STPG2: variants seen among roughly 807,000 people sequenced by gnomAD.
The protein encoded by STPG2 is sperm tail PG-rich repeat containing 2.
Under a neutral mutation model 54.2 loss-of-function variants are expected in STPG2, and 56 were observed. That is an observed-to-expected ratio of 1.03 (90% CI 0.83 to 1.29). STPG2 has a LOEUF of 1.29. STPG2 is among the 50% of genes most tolerant of loss of function. The pLI is 0.00. For missense variants in STPG2, 596 were observed against 544.9 expected, an observed-to-expected ratio of 1.09 and a Z score of -0.93; for synonymous variants, 200 against 181.8, an observed-to-expected ratio of 1.10 and a Z score of -0.81.
At chr4:97,711,191 G>A (rs911340539) in intron 10 of STPG2, among the ~76,000 whole-genome samples, 1 of 152,012 alleles carries the variant, frequency 6.6e-6, no homozygotes, top group Non-Finnish European at 1.5e-5. Context: ...TTTTTTAAAG[G>A]AGAGAAATTG....
In STPG2 at chr4:98,078,727, T is replaced by C. The variant is rs548448746; in HGVS notation, c.612+27226A>G. On this transcript the variant is annotated intron_variant, in intron 5 of 10. Coordinates refer to ENST00000295268, the MANE Select transcript of STPG2 (RefSeq NM_174952.3). ...AAGTGCTTGCCACCACAGAAAGAAA[T>C]AGACAATCTTTCAAAAGATATAATT... is the stretch of plus-strand genomic sequence containing the variant. 6.6e-5 allele frequency among the ~76,000 whole-genome samples: 10 copies of C among 152,236 alleles called. 1 individual carries two copies. In the East Asian group the frequency reaches 7.7e-4, roughly 12 times the overall value.
chr4:98,109,125 G>T, intron 4 of STPG2, 68 bp downstream of exon 4: 1 of 967,794 alleles, frequency 1.0e-6, no homozygotes. Context: ...GCATAGCCTA[G>T]TCTGAATTAT....
chr4:97,928,649 T>C (rs1235508617), intron 8 of STPG2, among the ~76,000 whole-genome samples: 1 of 152,142 alleles, frequency 6.6e-6, no homozygotes, highest in Non-Finnish European at 1.5e-5. Flanking sequence ...TGTTTTTATT[T>C]TGTTTGGGTT....
At chr4:97,789,145 G>T (rs970762313) in intron 9 of STPG2, among the ~76,000 whole-genome samples, 1 of 151,700 alleles carries the variant, frequency 6.6e-6, no homozygotes, top group African/African-American at 2.4e-5. Flanking sequence ...ACTATTTCTT[G>T]CTTTCTTCAT....
chr4:97,984,499 G>A (rs1030824529), intron 5 of STPG2, among the ~76,000 whole-genome samples: 2 of 152,012 alleles, frequency 1.3e-5, no homozygotes, highest in Admixed American at 6.6e-5. Context: ...AGCCCCCATC[G>A]AAGACTGATA....
Position 97,905,269 on chromosome 4 carries a change from T to G in STPG2, c.1044+38628A>C, listed in dbSNP as rs573925626. 3.4e-4 allele frequency among the ~76,000 whole-genome samples: 51 copies of G among 152,154 alleles called. No homozygotes were observed. The South Asian group carries it at 0.01, about 30-fold the overall frequency. On this transcript the variant is annotated intron_variant, in intron 8 of 10. Coordinates refer to ENST00000295268, the MANE Select transcript of STPG2 (RefSeq NM_174952.3). ...TAACAGCGGATGTCTCGGCAGAAAC[T>G]CTACAAGCCAGAAGACAGTGGGGGC...
At chr4:97,828,375 T>C (rs1276904624) in intron 9 of STPG2, among the ~76,000 whole-genome samples, 1 of 152,168 alleles carries the variant, frequency 6.6e-6, no homozygotes, top group Non-Finnish European at 1.5e-5. Flanking sequence ...GCACTTTTTC[T>C]AAGACCTTCG....
Position 98,094,486 on chromosome 4 carries a change from A to G in STPG2, c.612+11467T>C, listed in dbSNP as rs866105426. Reference sequence around the variant, plus strand: ...GTTTTTAAAAAGCAGAGTAAAGGGGACTTTGTCTCGCACCAACTCGACCAG... The same window carrying G: ...GTTTTTAAAAAGCAGAGTAAAGGGGGCTTTGTCTCGCACCAACTCGACCAG... On this transcript the variant is annotated intron_variant, in intron 5 of 10. Coordinates refer to ENST00000295268, the MANE Select transcript of STPG2 (RefSeq NM_174952.3). 3.3e-5 allele frequency among the ~76,000 whole-genome samples: 5 copies of G among 152,194 alleles called. No homozygotes were observed. In the Middle Eastern group the frequency reaches 0.01, roughly 311 times the overall value.
intron 9 of STPG2, among the ~76,000 whole-genome samples, chr4:97,731,399 G>A (rs951377782): frequency 2.0e-5 from 3 of 152,142 alleles, no homozygotes; most frequent in African/African-American, 4.8e-5. Context: ...AAGAGTAAGG[G>A]CCAACAGACA....
chr4:97,864,968 A>G (rs1384016851), intron 8 of STPG2, among the ~76,000 whole-genome samples: 1 of 152,222 alleles, frequency 6.6e-6, no homozygotes, highest in Non-Finnish European at 1.5e-5. Context: ...CTTAAATATT[A>G]TACCTAAAAC....
chr4:97,905,003 G>A (rs963212319), intron 8 of STPG2, among the ~76,000 whole-genome samples: 6 of 152,040 alleles, frequency 3.9e-5, no homozygotes, highest in Non-Finnish European at 7.4e-5. Context: ...AAGTGACGGG[G>A]AGAATGGAAC....
intron 8 of STPG2, among the ~76,000 whole-genome samples, chr4:97,915,970 T>A (rs1469931403): frequency 6.6e-6 from 1 of 152,100 alleles, no homozygotes; most frequent in Non-Finnish European, 1.5e-5. Flanking sequence ...AGATGGGGCA[T>A]AATTAGTCAG....
intron 10 of STPG2, among the ~76,000 whole-genome samples, chr4:97,697,700 C>T (rs1482329336): frequency 3.9e-5 from 6 of 152,164 alleles, no homozygotes; most frequent in Non-Finnish European, 7.4e-5. Context: ...GTGATATGCT[C>T]GTGATGGCTA....
intron 5 of STPG2, among the ~76,000 whole-genome samples, chr4:98,039,140 T>C (rs749045681): frequency 7.2e-5 from 11 of 151,958 alleles, no homozygotes; most frequent in Non-Finnish European, 1.3e-4. Flanking sequence ...TACCCTTGTG[T>C]ATCAAAGACA....
At chr4:97,736,134 T>C (rs879704710) in intron 9 of STPG2, among the ~76,000 whole-genome samples, 2 of 151,930 alleles carry the variant, frequency 1.3e-5, no homozygotes, top group Non-Finnish European at 2.9e-5. Flanking sequence ...AAAATGTCAA[T>C]TCCTCAGAAA....
At chr4:97,604,293 T>G (rs1428193819) in intron 10 of STPG2, among the ~76,000 whole-genome samples, 1 of 151,628 alleles carries the variant, frequency 6.6e-6, no homozygotes, top group Non-Finnish European at 1.5e-5. Flanking sequence ...ATATCCACAT[T>G]GAATTGAACT....
chr4:97,456,681 G>A (rs928931589), intron 4 of STPG2, among the ~76,000 whole-genome samples: 3 of 151,890 alleles, frequency 2.0e-5, no homozygotes, highest in Non-Finnish European at 2.9e-5. Context: ...GGATCACGGG[G>A]TCAGGAGATC....
chr4:97,726,516 T>C (rs1724629727), intron 9 of STPG2, among the ~76,000 whole-genome samples: 1 of 151,892 alleles, frequency 6.6e-6, no homozygotes, highest in Non-Finnish European at 1.5e-5. Flanking sequence ...GATCTAGATC[T>C]GAAACTAAAT....
At chr4:97,956,450 G>C (rs1347834988) in intron 7 of STPG2, among the ~76,000 whole-genome samples, 1 of 152,118 alleles carries the variant, frequency 6.6e-6, no homozygotes, top group South Asian at 2.1e-4. Flanking sequence ...CCACTTGGAA[G>C]GACAGAGCAG....
Sources: gnomAD v4.1 joint callset for allele counts (sites outside exome capture counted in the v4.1 genomes callset) on GRCh38, gnomAD v4.1.1 for gene constraint, MANE v1.5 for transcripts, NCBI Gene and HGNC (gene_info 2026-07-23, HGNC 2026-07-21) for gene names.